APOB: variants seen among roughly 807,000 people sequenced by gnomAD.
APOB encodes the protein apolipoprotein B-100.
Under a neutral mutation model 314.1 loss-of-function variants are expected in APOB, and 153 were observed. That is an observed-to-expected ratio of 0.49 (90% CI 0.43 to 0.56). APOB has a LOEUF of 0.56. APOB is among the 20% of genes least tolerant of loss of function. APOB has a pLI of 0.00. For missense variants in APOB, 5,430 were observed against 5,350.7 expected (o/e 1.01, Z -0.46); for synonymous variants, 2,087 against 2,036.4 (o/e 1.02, Z -0.67).
chr2:21,040,147 A>T (rs1664095351), intron 4 of APOB, among the ~76,000 whole-genome samples: 1 of 152,206 alleles, frequency 6.6e-6, no homozygotes, highest in Non-Finnish European at 1.5e-5. Context: ...TCTCTTTGCC[A>T]GCCACCATCT....
In APOB at chr2:21,009,384, C is replaced by G. The variant is rs764360150; in HGVS notation, c.7484G>C (p.Trp2495Ser). 1.9e-6 allele frequency: 3 copies of G among 1,613,934 alleles called. No homozygotes were observed. The highest frequency in any genetic ancestry group is 2.5e-6 in the Non-Finnish European group (3 of 1,179,978). The stretch of plus-strand genomic sequence containing the variant: ...TGCTGAACTTAAAGCCTCCTGTAAC[C>G]AATTGATGATTAAGGTTATTTTGGT... ...QDTKITLIIN[W>S]LQEALSSASL... Residue 2495 changes from tryptophan (W) to serine (S), a missense_variant, in exon 26 of 29, where the codon TGG (tryptophan) becomes TCG (serine). By Grantham distance (177) the Trp-to-Ser change is radical (BLOSUM62 -3). Coordinates refer to ENST00000233242, the MANE Select transcript of APOB (RefSeq NM_000384.3).
chr2:21,010,732 C>T lies in APOB; in HGVS notation c.6136G>A (p.Val2046Ile), dbSNP rs72653084. 299 of 1,613,980 alleles carry T rather than the reference C, an allele frequency of 1.9e-4. 1 individual carries two copies. The highest frequency in any genetic ancestry group is 4.4e-4 in the African/African-American group (33 of 75,036). Reference protein sequence around the residue: ...IIDALEMRDAVEKPQEFTIVA... With the variant: ...IIDALEMRDAIEKPQEFTIVA... Reference sequence around the variant, plus strand: ...ATTGTAAATTCTTGGGGCTTCTCAACGGCATCTCTCATCTCTAAAGCATCA... The same window carrying T: ...ATTGTAAATTCTTGGGGCTTCTCAATGGCATCTCTCATCTCTAAAGCATCA... The change falls in exon 26 of 29, where the codon GTT becomes ATT. Residue 2046 changes from valine to isoleucine, a missense_variant. Transcript: ENST00000233242.
chr2:21,035,736 T>A, intron 6 of APOB, 28 bp from the exon 7 acceptor site: 1 of 1,613,090 alleles, frequency 6.2e-7, no homozygotes, highest in Non-Finnish European at 8.5e-7. Context: ...GACGAGCATT[T>A]TGATCAGTCC....
chr2:21,042,313 G>A, intron 3 of APOB, 48 bp downstream of exon 3: 1 of 1,472,350 alleles, frequency 6.8e-7, no homozygotes, highest in Non-Finnish European at 9.5e-7. Context: ...GAACAGGGCT[G>A]GGGGAAAGCT....
chr2:21,005,282 A>G lies in APOB; in HGVS notation c.11586T>C (p.Ile3862=). The change falls in exon 26 of 29, where the codon ATT becomes ATC. Residue 3862 remains isoleucine (I), a synonymous_variant. Transcript: ENST00000233242. ...LPTIIVPEQT[I]EIPSIKFSVP... is the part of the protein sequence containing the mutation. ...CAGAGAACTTAATGGAGGGAATCTCAATGGTCTGCTCAGGCACGATGATGG... is the reference window on the plus strand; with the variant it reads ...CAGAGAACTTAATGGAGGGAATCTCGATGGTCTGCTCAGGCACGATGATGG... The G allele has an allele frequency of 6.2e-7, 1 of 1,614,090 alleles. No homozygotes were observed. Among genetic ancestry groups the G allele is most frequent in the Non-Finnish European group, 8.5e-7 (1 of 1,179,960 alleles).
chr2:21,008,807 G>A lies in APOB; in HGVS notation c.8061C>T (p.Pro2687=), dbSNP rs746860736. 9.9e-6 allele frequency: 16 copies of A among 1,613,866 alleles called. No homozygotes were observed. Among genetic ancestry groups the A allele is most frequent in the Admixed American group, 1.7e-5 (1 of 59,990 alleles). The change falls in exon 26 of 29, where the codon CCC becomes CCT. Residue 2687 remains proline (P), a synonymous_variant. Transcript: ENST00000233242. Reference sequence around the variant, plus strand: ...GATCCCTGAGATATATATCTGGAACGGGCCACTGCAGCTCACTGTTCAGCA... The same window carrying A: ...GATCCCTGAGATATATATCTGGAACAGGCCACTGCAGCTCACTGTTCAGCA... ...DQMLNSELQW[P]VPDIYLRDLK...
In APOB at chr2:21,006,535, T is replaced by C. The variant is rs748724059; in HGVS notation, c.10333A>G (p.Asn3445Asp). The C allele has an allele frequency of 6.2e-7, 1 of 1,614,132 alleles. No individual in the cohort carries two copies. The highest frequency in any genetic ancestry group is 1.1e-5 in the South Asian group (1 of 91,078). ...ILRMNFKQEL[N>D]GNTKSKPTVS... ...GTAGGTTTTGACTTGGTATTTCCAT[T>C]AAGTTCTTGCTTGAAATTCATTCTC... Residue 3445 changes from asparagine (N) to aspartate (D), a missense_variant, in exon 26 of 29, where the codon AAT becomes GAT. Asn to Asp is a conservative substitution (Grantham distance 23, BLOSUM62 1). Coordinates refer to ENST00000233242, the MANE Select transcript of APOB (RefSeq NM_000384.3).
At chr2:21,040,433 C>T (rs1664101996) in intron 4 of APOB, among the ~76,000 whole-genome samples, 1 of 152,186 alleles carries the variant, frequency 6.6e-6, no homozygotes, top group South Asian at 2.1e-4. Context: ...ACAATGGGTG[C>T]GACATGGGCC....
intron 12 of APOB, among the ~76,000 whole-genome samples, chr2:21,029,286 C>G (rs1663818801): frequency 6.6e-6 from 1 of 152,180 alleles, no homozygotes; most frequent in South Asian, 2.1e-4. Context: ...TCCATCTCTA[C>G]TAAAAAATAC....
At position 21,026,861 on chromosome 2, in the gene APOB, C is replaced by G; in HGVS notation, c.2171G>C (p.Gly724Ala). ...CTTAGAGACACCATCAGGAACTTGACCATTAACCCAGTACAAAGCTTTGTT... is the reference window on the plus strand; with the variant it reads ...CTTAGAGACACCATCAGGAACTTGAGCATTAACCCAGTACAAAGCTTTGTT... ...SVNKALYWVN[G>A]QVPDGVSKVL... Residue 724 changes from glycine to alanine, a missense_variant, in exon 15 of 29, where the codon GGT becomes GCT. Around this residue, in one of 3 missense-constraint regions of APOB, gnomAD observed 2,085 missense variants for 2,079.7 expected, o/e 1.00. Coordinates refer to ENST00000233242, the MANE Select transcript of APOB (RefSeq NM_000384.3). 1.2e-6 allele frequency: 2 copies of G among 1,614,120 alleles called. No individual in the cohort carries two copies. Among genetic ancestry groups the G allele is most frequent in the South Asian group, 2.2e-5 (2 of 91,084 alleles).
chr2:21,032,261 G>A, intron 10 of APOB, 93 bp downstream of exon 10: 1 of 1,154,440 alleles, frequency 8.7e-7, no homozygotes, highest in Admixed American at 1.7e-5. Flanking sequence ...GAGTTTGAAA[G>A]TGGAAGGAGG....
At chr2:21,003,399 T>C (rs1244238386) in intron 28 of APOB, 65 bp from the exon 29 acceptor site, 2 of 1,353,206 alleles carry the variant, frequency 1.5e-6, no homozygotes, top group Non-Finnish European at 2.1e-6. Flanking sequence ...TATAGTACAC[T>C]AAAACTTCAT....
Position 21,013,376 on chromosome 2 carries a change from C to T in APOB, c.4000G>A (p.Glu1334Lys). The T allele has an allele frequency of 2.5e-6, 4 of 1,614,204 alleles. No homozygotes were observed. Among genetic ancestry groups the T allele is most frequent in the Non-Finnish European group, 3.4e-6 (4 of 1,180,044 alleles). Residue 1334 changes from glutamate to lysine, a missense_variant, in exon 25 of 29, where the codon GAG becomes AAG. Transcript: ENST00000233242. ...ATGGTAAAAGTAGGGACTTGGAACT[C>T]TCGAGATGGCAGATGGAATCCCACA... is the stretch of plus-strand genomic sequence containing the variant. ...KSVGFHLPSR[E>K]FQVPTFTIPK...
chr2:21,041,264 T>A (rs1334146626), intron 3 of APOB, among the ~76,000 whole-genome samples, 181 bp from the exon 4 acceptor site: 2 of 152,228 alleles, frequency 1.3e-5, no homozygotes, highest in Non-Finnish European at 2.9e-5. Context: ...TGCACCAACC[T>A]AGACTTAGTC....
At chr2:21,022,718 C>T in intron 18 of APOB, 113 bp downstream of exon 18, 2 of 951,828 alleles carry the variant, frequency 2.1e-6, no homozygotes, top group Non-Finnish European at 3.3e-6. Context: ...TCCTCTCCTG[C>T]TTCCTCAGGA....
At chr2:21,016,857 G>A (rs962873679) in intron 20 of APOB, among the ~76,000 whole-genome samples, 1 of 151,926 alleles carries the variant, frequency 6.6e-6, no homozygotes, top group Non-Finnish European at 1.5e-5. Flanking sequence ...GTTGGTGGGT[G>A]CCTGTAGTCC....
intron 6 of APOB, 110 bp from the exon 7 acceptor site, chr2:21,035,818 C>T: frequency 8.8e-7 from 1 of 1,135,024 alleles, no homozygotes; most frequent in Non-Finnish European, 1.3e-6. Context: ...TAGATAAACT[C>T]AGAGAAAGAA....
At position 21,011,488 on chromosome 2, in the gene APOB, C is replaced by T. The variant is rs751609167; in HGVS notation, c.5380G>A (p.Val1794Ile). The change falls in exon 26 of 29, where the codon GTA becomes ATA. Residue 1794 changes from valine (V) to isoleucine (I), a missense_variant. Val to Ile is a conservative substitution (Grantham distance 29). Coordinates refer to ENST00000233242, the MANE Select transcript of APOB (RefSeq NM_000384.3). ...VNLQLQPYSLVTTLNSDLKYN... is the reference protein window; with the variant it reads ...VNLQLQPYSLITTLNSDLKYN... ...TTCAGGTCACTGTTTAAAGTAGTTACCAGAGAATAGGGCTGTAGCTGTAAA... is the reference window on the plus strand; with the variant it reads ...TTCAGGTCACTGTTTAAAGTAGTTATCAGAGAATAGGGCTGTAGCTGTAAA... 6.2e-7 allele frequency: 1 copy of T among 1,614,120 alleles called. No homozygotes were observed. Among genetic ancestry groups the T allele is most frequent in the Non-Finnish European group, 8.5e-7 (1 of 1,180,004 alleles).
rs1464536309 is a variant in APOB at position 21,041,030 on chromosome 2, G to A, written c.291C>T (p.Cys97=). The change falls in exon 4 of 29, where the codon TGC becomes TGT. Residue 97 remains cysteine (C), a synonymous_variant. Coordinates refer to ENST00000233242, the MANE Select transcript of APOB (RefSeq NM_000384.3). ...TGAAGCCATACACCTCTTTCAGGGTGCACTGGCTGGTCTTCAGGATGAAGC... is the reference window on the plus strand; with the variant it reads ...TGAAGCCATACACCTCTTTCAGGGTACACTGGCTGGTCTTCAGGATGAAGC... ...LCSFILKTSQ[C]TLKEVYGFNP... 6 of 1,613,252 alleles carry A rather than the reference G, an allele frequency of 3.7e-6. No individual in the cohort carries two copies. The highest frequency in any genetic ancestry group is 5.1e-6 in the Non-Finnish European group (6 of 1,179,880).
Sources: gnomAD v4.1 joint callset for allele counts (sites outside exome capture counted in the v4.1 genomes callset) on GRCh38, gnomAD v4.1.1 for gene constraint, gnomAD v4.1.1 regional missense constraint, MANE v1.5 for transcripts, NCBI Gene and HGNC (gene_info 2026-07-23, HGNC 2026-07-21) for gene names.